FRYL: variants seen among roughly 807,000 people sequenced by gnomAD.
The protein encoded by FRYL is FRY like transcription coactivator, also known as protein furry homolog-like.
FRYL carries 150 observed loss-of-function variants against 351.2 expected under a neutral mutation model. The observed-to-expected ratio is 0.43, with a 90% CI of 0.37 to 0.49. The LOEUF is 0.49. FRYL is among the 20% of genes least tolerant of loss of function. The pLI, the probability that FRYL is intolerant of heterozygous loss-of-function variation, is 0.00. For missense variants in FRYL, 3,036 were observed against 3,619.3 expected, an observed-to-expected ratio of 0.84 and a Z score of 4.13; for synonymous variants, 1,153 against 1,257.1, an observed-to-expected ratio of 0.92 and a Z score of 1.75.
intron 57 of FRYL, 55 bp from the exon 58 acceptor site, chr4:48,511,039 A>T: frequency 8.1e-7 from 1 of 1,236,142 alleles, no homozygotes; most frequent in Non-Finnish European, 1.2e-6. Context: ...GCCTTTTTTC[A>T]TCTTTAAGTA....
chr4:48,569,674 A>G (rs1337560503), intron 27 of FRYL, among the ~76,000 whole-genome samples: 2 of 152,220 alleles, frequency 1.3e-5, no homozygotes, highest in African/African-American at 2.4e-5. Flanking sequence ...TTAAAAATCT[A>G]TTTTGAAAGT....
intron 1 of FRYL, among the ~76,000 whole-genome samples, chr4:48,747,162 T>TC (rs5858127): frequency 0.53 from 79,695 of 150,404 alleles, 21,797 homozygotes; most frequent in African/African-American, 0.67. Context: ...ATTTCCCCTA[T>TC]CCCCCCCCAA....
At position 48,556,997 on chromosome 4, in the gene FRYL, T is replaced by C; in HGVS notation, c.4247A>G (p.Glu1416Gly). Residue 1416 changes from glutamate to glycine, a missense_variant, in exon 35 of 64, where the codon GAA (glutamate) becomes GGA (glycine). Around this residue, in one of 7 missense-constraint regions of FRYL, gnomAD observed 1,987 missense variants for 2,311.7 expected, o/e 0.86. Transcript: ENST00000358350. ...FLISICGVNSEPSLLPYVKKV... is the reference protein window; with the variant it reads ...FLISICGVNSGPSLLPYVKKV... ...ACATACGTAAGGCAAGAGGCTTGGTTCGCTATTCACCCCACAAATGCTGAT... is the reference window on the plus strand; with the variant it reads ...ACATACGTAAGGCAAGAGGCTTGGTCCGCTATTCACCCCACAAATGCTGAT... 1.3e-6 allele frequency: 2 copies of C among 1,599,430 alleles called. No homozygotes were observed. Among genetic ancestry groups the C allele is most frequent in the Non-Finnish European group, 8.5e-7 (1 of 1,171,288 alleles).
At chr4:48,637,521 A>G (rs564620842) in intron 3 of FRYL, 36 of 152,252 alleles carry the variant, frequency 2.4e-4, no homozygotes, top group South Asian at 1.2e-3. Flanking sequence ...ATGTAAGCCT[A>G]TGAGAGAAGG....
chr4:48,555,798 C>T (rs1303925969), intron 35 of FRYL, among the ~76,000 whole-genome samples: 1 of 152,236 alleles, frequency 6.6e-6, no homozygotes, highest in Non-Finnish European at 1.5e-5. Context: ...GGCAATGATG[C>T]TTTCAGTGAC....
chr4:48,774,443 T>C (rs1560384620), intron 1 of FRYL, among the ~76,000 whole-genome samples: 1 of 152,110 alleles, frequency 6.6e-6, no homozygotes, highest in Admixed American at 6.5e-5. Flanking sequence ...AACACTCCAA[T>C]CTTTCCCCCA....
rs543398075 is a variant in FRYL, at chr4:48,511,725, C to A, written c.8146-741G>T. ...AAATAAGCGCTCCCATTAATGAGCA[C>A]TAAAGAACTTCCAGGATGAGAGAGA... On this transcript the variant is annotated intron_variant, in intron 57 of 63. Coordinates refer to ENST00000358350, the MANE Select transcript of FRYL (RefSeq NM_015030.2). Among the ~76,000 whole-genome samples, 47 of 152,156 alleles carry A rather than the reference C, an allele frequency of 3.1e-4. No individual in the cohort carries two copies. In the South Asian group the frequency reaches 4.8e-3, roughly 15 times the overall value.
At chr4:48,531,454 C>T (rs1309760084) in intron 49 of FRYL, 101 bp from the exon 50 acceptor site, 4 of 723,710 alleles carry the variant, frequency 5.5e-6, no homozygotes, top group African/African-American at 1.8e-5. Context: ...TACAAAAATA[C>T]TTGTAAAAAT....
intron 41 of FRYL, among the ~76,000 whole-genome samples, chr4:48,547,307 G>C (rs555405022): frequency 6.6e-6 from 1 of 152,070 alleles, no homozygotes; most frequent in East Asian, 1.9e-4. Flanking sequence ...TTCGTAATTC[G>C]TCCTCAATAA....
chr4:48,773,276 C>A (rs1200749930), intron 1 of FRYL, among the ~76,000 whole-genome samples: 2 of 152,140 alleles, frequency 1.3e-5, no homozygotes, highest in African/African-American at 4.8e-5. Flanking sequence ...TCATAGTGAT[C>A]AGCCAATCAA....
intron 53 of FRYL, among the ~76,000 whole-genome samples, chr4:48,526,827 A>G (rs1726342376): frequency 6.6e-6 from 1 of 152,194 alleles, no homozygotes; most frequent in South Asian, 2.1e-4. Flanking sequence ...GACTAAATCA[A>G]TTTAGAAGAG....
chr4:48,626,041 C>T (rs1182904500), intron 4 of FRYL, among the ~76,000 whole-genome samples: 1 of 152,084 alleles, frequency 6.6e-6, no homozygotes, highest in Non-Finnish European at 1.5e-5. Context: ...TCAAGGGTTG[C>T]TGCTGGGGTT....
At chr4:48,598,737 A>G (rs1215065306) in intron 13 of FRYL, 4 of 359,110 alleles carry the variant, frequency 1.1e-5, no homozygotes, top group East Asian at 1.7e-4. Context: ...AATACATTAG[A>G]CATGCAATGC....
chr4:48,526,043 G>C lies in FRYL; in HGVS notation c.7317+1434C>G, dbSNP rs895142702. Among the ~76,000 whole-genome samples the C allele has an allele frequency of 2.1e-4, 32 of 151,758 alleles. 1 individual carries two copies. Among genetic ancestry groups the C allele is most frequent in the Admixed American group, 1.8e-3 (27 of 15,212 alleles). On this transcript the variant is annotated intron_variant, in intron 53 of 63. Coordinates refer to ENST00000358350, the MANE Select transcript of FRYL (RefSeq NM_015030.2). Reference sequence around the variant, plus strand: ...TATGAGCTGTATATTAGTAGTACATGTATATGTACATGAGAGTTGATGAAT... The same window carrying C: ...TATGAGCTGTATATTAGTAGTACATCTATATGTACATGAGAGTTGATGAAT...
intron 1 of FRYL, among the ~76,000 whole-genome samples, chr4:48,740,730 C>T (rs1771960291): frequency 6.6e-6 from 1 of 152,182 alleles, no homozygotes; most frequent in Admixed American, 6.5e-5. Context: ...CCACTACCCA[C>T]TTAGCAGAAT....
intron 1 of FRYL, among the ~76,000 whole-genome samples, chr4:48,745,912 T>C (rs1195319154): frequency 2.6e-5 from 4 of 152,188 alleles, no homozygotes; most frequent in Admixed American, 1.3e-4. Flanking sequence ...TAGAAGATGA[T>C]TGATTTAAAG....
intron 3 of FRYL, among the ~76,000 whole-genome samples, chr4:48,683,759 T>A (rs188946393): frequency 3.1e-4 from 47 of 152,308 alleles, no homozygotes; most frequent in Non-Finnish European, 4.6e-4. Flanking sequence ...CATAAAAGTG[T>A]CAAAATTAAG....
At chr4:48,749,168 G>A (rs976554983) in intron 1 of FRYL, among the ~76,000 whole-genome samples, 4 of 152,192 alleles carry the variant, frequency 2.6e-5, no homozygotes, top group African/African-American at 4.8e-5. Context: ...ACTGCAGGGC[G>A]GAGAGCAGGT....
At chr4:48,522,773 G>C (rs545309280) in intron 54 of FRYL, 128 bp downstream of exon 54, 21 of 767,582 alleles carry the variant, frequency 2.7e-5, no homozygotes, top group Non-Finnish European at 4.7e-5. Context: ...TACTCCATTA[G>C]TGTTGCAATC....
Sources: gnomAD v4.1 joint callset for allele counts (sites outside exome capture counted in the v4.1 genomes callset) on GRCh38, gnomAD v4.1.1 for gene constraint, gnomAD v4.1.1 regional missense constraint, MANE v1.5 for transcripts, NCBI Gene and HGNC (gene_info 2026-07-23, HGNC 2026-07-21) for gene names.